NUP58: variants seen among roughly 807,000 people sequenced by gnomAD.
NUP58 encodes the protein nucleoporin p58/p45.
Under a neutral mutation model 70.1 loss-of-function variants are expected in NUP58, and 17 were observed. That is an observed-to-expected ratio of 0.24 (90% CI 0.17 to 0.36). NUP58 has a LOEUF of 0.36. NUP58 is among the 10% of genes least tolerant of loss of function. The pLI is 1.00. For missense variants in NUP58, 644 were observed against 701.5 expected, an observed-to-expected ratio of 0.92 and a Z score of 0.93; for synonymous variants, 275 against 257.6, an observed-to-expected ratio of 1.07 and a Z score of -0.65.
downstream of NUP58, among the ~76,000 whole-genome samples, chr13:25,343,349 G>A (rs1240186081): frequency 6.6e-6 from 1 of 150,756 alleles, no homozygotes; most frequent in Non-Finnish European, 1.5e-5. Flanking sequence ...TATACTTTAA[G>A]TTTTAGGGTA....
intron 11 of NUP58, 21 bp downstream of exon 11, chr13:25,327,055 A>AT (rs751983169): frequency 4.5e-5 from 63 of 1,404,174 alleles, no homozygotes; most frequent in South Asian, 7.5e-5. Context: ...TACTGTGGTA[A>AT]TTTTTTTTGA....
At chr13:25,339,300 TC>T (rs897507454) in intron 15 of NUP58, among the ~76,000 whole-genome samples, 2 of 152,202 alleles carry the variant, frequency 1.3e-5, no homozygotes, top group African/African-American at 4.8e-5. Context: ...AAATACCATA[TC>T]TAATGTAATG....
chr13:25,332,430 GA>G (rs1360362858), intron 13 of NUP58: 2 of 984,150 alleles, frequency 2.0e-6, no homozygotes, highest in African/African-American at 1.8e-5. Context: ...AATCGATATT[GA>G]TTTTTTTATT....
At chr13:25,349,130 T>C (rs2032080458) in intron 3 of NUP58, among the ~76,000 whole-genome samples, 1 of 152,220 alleles carries the variant, frequency 6.6e-6, no homozygotes, top group African/African-American at 2.4e-5. Flanking sequence ...AGTTATATTT[T>C]TATTATTTGG....
At chr13:25,329,711 G>A (rs528390252) in intron 12 of NUP58, among the ~76,000 whole-genome samples, 8 of 152,236 alleles carry the variant, frequency 5.3e-5, no homozygotes, top group African/African-American at 1.9e-4. Flanking sequence ...TGTTGAAACA[G>A]GCGTTAACTA....
intron 9 of NUP58, among the ~76,000 whole-genome samples, chr13:25,324,375 A>G (rs913862395): frequency 4.6e-5 from 7 of 152,226 alleles, no homozygotes; most frequent in Non-Finnish European, 1.0e-4. Context: ...ATCTTGAAAA[A>G]ACATTGGCTG....
chr13:25,342,569 ACTTG>A (rs1335360044), downstream of NUP58, among the ~76,000 whole-genome samples: 1 of 152,094 alleles, frequency 6.6e-6, no homozygotes, highest in Non-Finnish European at 1.5e-5. Context: ...ATTATTTCTC[ACTTG>A]CTTTTGTCTT....
chr13:25,344,365 G>A (rs1438545956), downstream of NUP58, among the ~76,000 whole-genome samples: 2 of 152,102 alleles, frequency 1.3e-5, no homozygotes, highest in African/African-American at 2.4e-5. Flanking sequence ...ATACATGGGT[G>A]GTTATACTAA....
chr13:25,325,937 C>T (rs1452143280), intron 10 of NUP58, among the ~76,000 whole-genome samples: 1 of 152,110 alleles, frequency 6.6e-6, no homozygotes, highest in Non-Finnish European at 1.5e-5. Flanking sequence ...ACTAAAAATT[C>T]CTGTATGCCT....
At chr13:25,316,627 T>C (rs760454509) in intron 6 of NUP58, among the ~76,000 whole-genome samples, 2 of 152,208 alleles carry the variant, frequency 1.3e-5, no homozygotes, top group African/African-American at 4.8e-5. Flanking sequence ...CTGTAGCAAC[T>C]CCATAATTAG....
Position 25,310,278 on chromosome 13 carries a change from T to C in NUP58, c.286+996T>C, listed in dbSNP as rs191006397. Among the ~76,000 whole-genome samples, 8 of 140,874 alleles carry C rather than the reference T, an allele frequency of 5.7e-5. No homozygotes were observed. The East Asian group carries it at 1.5e-3, about 27-fold the overall frequency. 92.4% of individuals were successfully genotyped at this position (140,874 alleles called of 152,430 possible). ...TCTTGTTGCCCAGGCTGGAGTGCAATGGTGCAATCTTGGCTCACCGCAACT... is the reference window on the plus strand; with the variant it reads ...TCTTGTTGCCCAGGCTGGAGTGCAACGGTGCAATCTTGGCTCACCGCAACT... On this transcript the variant is annotated intron_variant, in intron 3 of 15. Coordinates refer to ENST00000381736, the MANE Select transcript of NUP58 (RefSeq NM_014089.4).
intron 9 of NUP58, among the ~76,000 whole-genome samples, chr13:25,323,382 A>T (rs1167936469): frequency 4.0e-5 from 6 of 151,740 alleles, no homozygotes; most frequent in East Asian, 3.8e-4. Context: ...ATTAAATTAA[A>T]AAAAAAAAGA....
intron 7 of NUP58, 100 bp downstream of exon 7, chr13:25,319,450 T>A: frequency 8.5e-7 from 1 of 1,171,162 alleles, no homozygotes; most frequent in African/African-American, 1.5e-5. Flanking sequence ...CATATACATT[T>A]AGGAGAAAAA....
At position 25,301,648 on chromosome 13, in the gene NUP58, G is replaced by A. The variant is rs1428446440; in HGVS notation, c.-126G>A. 7 of 486,852 alleles carry A rather than the reference G, an allele frequency of 1.4e-5. No individual in the cohort carries two copies. The highest frequency in any genetic ancestry group is 1.1e-4 in the East Asian group (3 of 28,320). The allele number at this position is 486,852 out of a possible 1,614,324, so 30.2% of individuals were successfully genotyped here. On this transcript the variant is annotated 5_prime_UTR_variant, in exon 1 of 16. Transcript: ENST00000381736. ...TCAGCCTTGCCTTCGCCGCCGTTGGGGCTGGAAGTTCCCGCCAGGTCCGTG... is the reference window on the plus strand; with the variant it reads ...TCAGCCTTGCCTTCGCCGCCGTTGGAGCTGGAAGTTCCCGCCAGGTCCGTG...
Position 25,320,804 on chromosome 13 carries a change from GATGA to G in NUP58, c.777-112_777-109del, listed in dbSNP as rs1181556747. On this transcript the variant is annotated intron_variant, in intron 8 of 15. Transcript: ENST00000381736. ...ATTCTGTAAAAAAGTGTGAACTATA[GATGA>G]ATTTTTAGTTTTGTATTTTAAAACA... 5 of 764,076 alleles carry G rather than the reference GATGA, an allele frequency of 6.5e-6. No individual in the cohort carries two copies. In the African/African-American group the frequency reaches 9.0e-5, roughly 14 times the overall value. 47.3% of individuals were successfully genotyped at this position (764,076 alleles called of 1,614,324 possible). A position where few individuals can be genotyped will look rare whatever the true frequency, so the allele number is the denominator to read the frequency against.
At chr13:25,310,024 ATCT>A (rs957872723) in intron 3 of NUP58, 1 of 401,654 alleles carries the variant, frequency 2.5e-6, no homozygotes, top group Non-Finnish European at 5.0e-6. Flanking sequence ...AAGCAAGTGA[ATCT>A]TCTTGTTTTC....
chr13:25,327,284 G>T, intron 11 of NUP58, 146 bp from the exon 12 acceptor site: 1 of 579,480 alleles, frequency 1.7e-6, no homozygotes. Flanking sequence ...CTGCTACTCT[G>T]TGTGTTCTCT....
At chr13:25,339,804 T>C (rs1404371469) in intron 15 of NUP58, among the ~76,000 whole-genome samples, 161 bp from the exon 16 acceptor site, 1 of 152,236 alleles carries the variant, frequency 6.6e-6, no homozygotes, top group African/African-American at 2.4e-5. Context: ...CTATATTATT[T>C]TCCTGTTAAA....
At position 25,307,915 on chromosome 13, in the gene NUP58, G is replaced by A. The variant is rs2030454329; in HGVS notation, c.217G>A (p.Ala73Thr). 1 of 1,614,044 alleles carries A rather than the reference G, an allele frequency of 6.2e-7. No homozygotes were observed. The highest frequency in any genetic ancestry group is 1.3e-5 in the African/African-American group (1 of 74,918). ...AACCGGGCTCTTTGGATCTAAACCT[G>A]CCACTGGGTTCACTCTAGGAGGAAC... ...FGTGLFGSKP[A>T]TGFTLGGTNT... The change falls in exon 2 of 16, where the codon GCC becomes ACC. Residue 73 changes from alanine (A) to threonine (T), a missense_variant. Around this residue, in one of 4 missense-constraint regions of NUP58, gnomAD observed 430 missense variants for 409.2 expected, o/e 1.05. Transcript: ENST00000381736.
Sources: allele counts gnomAD v4.1 joint callset (sites outside exome capture counted in the v4.1 genomes callset), GRCh38; gene constraint gnomAD v4.1.1; regional missense constraint gnomAD v4.1.1; transcripts MANE v1.5; gene names NCBI Gene and HGNC (gene_info 2026-07-23, HGNC 2026-07-21).